The following C1QTNF1 variants were observed in gnomAD, a reference collection of about 807,000 sequenced individuals.
C1QTNF1 encodes the protein C1q and TNF related 1.
C1QTNF1 carries 22 observed loss-of-function variants against 27.8 expected under a neutral mutation model. The ratio of observed to expected loss-of-function variants is 0.79; its 90% CI spans 0.56 to 1.13. The LOEUF is 1.13. Ranked by LOEUF, C1QTNF1 falls within the 50% of genes most tolerant of loss-of-function variation. The pLI, the probability that C1QTNF1 is intolerant of heterozygous loss-of-function variation, is 0.00. For missense variants in C1QTNF1, 373 were observed against 380.2 expected (o/e 0.98, Z 0.16); for synonymous variants, 166 against 154.3 (o/e 1.08, Z -0.56).
chr17:79,043,719 ATG>A (rs1373448030), intron 1 of C1QTNF1: 9 of 626,324 alleles, frequency 1.4e-5, no homozygotes, highest in South Asian at 7.6e-5. Flanking sequence ...ATGTATGTGA[ATG>A]TGTGTGCATG....
chr17:79,043,700 G>A (rs1296956869), intron 1 of C1QTNF1: 1 of 602,410 alleles, frequency 1.7e-6, no homozygotes, highest in Non-Finnish European at 3.1e-6. Flanking sequence ...GTGCATGTGT[G>A]GGGGTTGCAT....
chr17:79,030,506 TTTCTTTCTTTC>T (rs1286342827), intron 1 of C1QTNF1, among the ~76,000 whole-genome samples: 1 of 141,430 alleles, frequency 7.1e-6, no homozygotes, highest in Non-Finnish European at 1.6e-5. Context: ...TCTTTCTTTC[TTTCTTTCTTTC>T]TTTCTTTCTT....
At chr17:79,028,049 G>A (rs751979989) in intron 1 of C1QTNF1, among the ~76,000 whole-genome samples, 3 of 152,242 alleles carry the variant, frequency 2.0e-5, no homozygotes, top group Non-Finnish European at 2.9e-5. Context: ...CGGGACGGCT[G>A]TGGCCGGGCC....
chr17:79,031,575 T>C (rs539244142), intron 1 of C1QTNF1, among the ~76,000 whole-genome samples: 11 of 152,124 alleles, frequency 7.2e-5, no homozygotes, highest in Non-Finnish European at 1.5e-4. Flanking sequence ...GCCTCCCGAG[T>C]AGCTGGGATT....
In C1QTNF1 at chr17:79,046,654, G is replaced by A. The variant is rs141403015; in HGVS notation, c.255G>A (p.Pro85=). ...GTGACCCCGGTACCTCCATGTACCC[G>A]GCGACCGCCGTGCCCCAGATCAACA... ...RCCDPGTSMY[P]ATAVPQINIT... is the part of the protein sequence containing the mutation. The change falls in exon 3 of 4, where the codon CCG becomes CCA. Residue 85 remains proline (P), a synonymous_variant. Coordinates refer to ENST00000579760, the MANE Select transcript of C1QTNF1 (RefSeq NM_030968.5). The surrounding 1 kb of genome is among the most constrained non-coding windows in gnomAD (Gnocchi z 4.8). 144 of 1,614,118 alleles carry A rather than the reference G, an allele frequency of 8.9e-5. No individual in the cohort carries two copies. The African/African-American group carries it at 1.2e-3, about 14-fold the overall frequency.
At chr17:79,023,704 G>GCGCGCGCACACA (rs1267428917), upstream of C1QTNF1, among the ~76,000 whole-genome samples, 1,537 of 144,974 alleles carry the variant, frequency 0.011, 18 homozygotes, top group African/African-American at 0.031. Flanking sequence ...GCGCGCGCGC[G>GCGCGCGCACACA]CACACACACA....
chr17:79,032,404 C>A (rs552824479), intron 1 of C1QTNF1, among the ~76,000 whole-genome samples: 3 of 152,090 alleles, frequency 2.0e-5, no homozygotes, highest in Non-Finnish European at 2.9e-5. Flanking sequence ...TGGGGAAGGG[C>A]CAGATGGAAA....
intron 1 of C1QTNF1, among the ~76,000 whole-genome samples, chr17:79,030,525 C>CTTTCTTTCTT (rs2072111096): frequency 8.7e-6 from 1 of 115,430 alleles, no homozygotes; most frequent in South Asian, 2.7e-4. Context: ...TTCTTTCTTT[C>CTTTCTTTCTT]TTTCTTCTTT....
intron 1 of C1QTNF1, among the ~76,000 whole-genome samples, chr17:79,038,575 T>C (rs2072321354): frequency 6.6e-6 from 1 of 152,186 alleles, no homozygotes; most frequent in African/African-American, 2.4e-5. Context: ...GCTTGAGTCA[T>C]GCTGGAACTG....
At chr17:79,032,309 G>A (rs1380496199) in intron 1 of C1QTNF1, among the ~76,000 whole-genome samples, 2 of 152,192 alleles carry the variant, frequency 1.3e-5, no homozygotes, top group Non-Finnish European at 2.9e-5. Context: ...AGGAAAGAGC[G>A]GGTGCCAGAG....
At chr17:79,034,011 G>A (rs2072203189) in intron 1 of C1QTNF1, among the ~76,000 whole-genome samples, 1 of 152,212 alleles carries the variant, frequency 6.6e-6, no homozygotes, top group Non-Finnish European at 1.5e-5. Context: ...TCCTGACCTA[G>A]AAGCCCCAGG....
chr17:79,032,207 G>A (rs1047156781), intron 1 of C1QTNF1, among the ~76,000 whole-genome samples: 3 of 152,170 alleles, frequency 2.0e-5, no homozygotes, highest in African/African-American at 7.2e-5. Flanking sequence ...GCACACCCAG[G>A]TCTGGGCAAC....
intron 3 of C1QTNF1, 80 bp from the exon 4 acceptor site, chr17:79,047,458 G>T (rs2072615196): frequency 1.5e-6 from 2 of 1,373,124 alleles, no homozygotes; most frequent in Admixed American, 4.6e-5. Flanking sequence ...ACAGCGCCAG[G>T]GACCGGAGAG....
intron 3 of C1QTNF1, 94 bp from the exon 4 acceptor site, chr17:79,047,444 C>T: frequency 7.7e-7 from 1 of 1,297,504 alleles, no homozygotes. Context: ...GAGGACGAAT[C>T]AGGACAGCGC....
chr17:79,023,733 C>CAA (rs2071836705), upstream of C1QTNF1, among the ~76,000 whole-genome samples: 1 of 152,012 alleles, frequency 6.6e-6, no homozygotes, highest in Non-Finnish European at 1.5e-5. Flanking sequence ...CACACACACA[C>CAA]ACACAGTTTG....
chr17:79,046,764 G>A lies in C1QTNF1; in HGVS notation c.295+70G>A. The A allele has an allele frequency of 1.9e-6, 3 of 1,590,998 alleles. No individual in the cohort carries two copies. Among genetic ancestry groups the A allele is most frequent in the East Asian group, 2.2e-5 (1 of 44,578 alleles). Reference sequence around the variant, plus strand: ...GTGCTGATCCGGAGGAAGGGATGGAGTCGTTAGGGTGGGGCTAGGCGAGAG... The same window carrying A: ...GTGCTGATCCGGAGGAAGGGATGGAATCGTTAGGGTGGGGCTAGGCGAGAG... On this transcript the variant is annotated intron_variant, in intron 3 of 3. Transcript: ENST00000579760. This position sits in a 1 kb window ranked among gnomAD's most constrained non-coding sequence, Gnocchi z 4.8.
At chr17:79,023,704 G>GCGCGCGCACA (rs1267428917), upstream of C1QTNF1, among the ~76,000 whole-genome samples, 516 of 145,024 alleles carry the variant, frequency 3.6e-3, 1 homozygote, top group South Asian at 6.5e-3. Flanking sequence ...GCGCGCGCGC[G>GCGCGCGCACA]CACACACACA....
In C1QTNF1 at chr17:79,048,225, A is replaced by G. The variant is rs1353422448; in HGVS notation, c.*137A>G. On this transcript the variant is annotated 3_prime_UTR_variant, in exon 4 of 4. Transcript: ENST00000579760. Reference sequence around the variant, plus strand: ...GACGCCCTGCACACACAGAAAGCCAAAGCGATCGGTGCTCCCAGATCCCGC... The same window carrying G: ...GACGCCCTGCACACACAGAAAGCCAGAGCGATCGGTGCTCCCAGATCCCGC... 1.2e-6 allele frequency: 1 copy of G among 858,448 alleles called. No individual in the cohort carries two copies. Among genetic ancestry groups the G allele is most frequent in the Non-Finnish European group, 1.7e-6 (1 of 581,512 alleles). 53.2% of individuals were successfully genotyped at this position (858,448 alleles called of 1,614,324 possible). A position where few individuals can be genotyped will look rare whatever the true frequency, so the allele number is the denominator to read the frequency against.
At chr17:79,043,448 A>G in intron 1 of C1QTNF1, 1 of 451,936 alleles carries the variant, frequency 2.2e-6, no homozygotes, top group Non-Finnish European at 4.4e-6. Context: ...GAGCGTGTGG[A>G]TTCCATGTGT....
Sources: allele counts gnomAD v4.1 joint callset (sites outside exome capture counted in the v4.1 genomes callset), GRCh38; gene constraint gnomAD v4.1.1; non-coding constraint Gnocchi (gnomAD v3.1); transcripts MANE v1.5; gene names NCBI Gene and HGNC (gene_info 2026-07-23, HGNC 2026-07-21).